Variants in CHRM3 observed in about 807,000 individuals in gnomAD.
CHRM3 encodes the protein muscarinic acetylcholine receptor M3.
Under a neutral mutation model 41.8 loss-of-function variants are expected in CHRM3, and 11 were observed. That is an observed-to-expected ratio of 0.26 (90% CI 0.17 to 0.44). CHRM3 has a LOEUF of 0.44. Among genes scored for constraint, CHRM3 ranks in the 20% least tolerant of loss-of-function variants. The pLI, the probability that CHRM3 is intolerant of heterozygous loss-of-function variation, is 1.00. For synonymous variants in CHRM3, 297 were observed against 301.4 expected (o/e 0.99, Z 0.15); for missense variants, 571 against 745.4 (o/e 0.77, Z 2.72).
At chr1:239,738,145 G>A (rs529010195) in intron 5 of CHRM3, among the ~76,000 whole-genome samples, 1 of 152,272 alleles carries the variant, frequency 6.6e-6, no homozygotes, top group East Asian at 1.9e-4. Context: ...CCTCCACTAT[G>A]GCAGGTTTGC....
At chr1:239,566,085 T>A (rs1447132680) in intron 3 of CHRM3, among the ~76,000 whole-genome samples, 1 of 151,846 alleles carries the variant, frequency 6.6e-6, no homozygotes, top group Non-Finnish European at 1.5e-5. Flanking sequence ...TGGCTGTATT[T>A]TTTTTTTTAA....
chr1:239,618,674 C>G (rs552973005), intron 3 of CHRM3, among the ~76,000 whole-genome samples: 11 of 150,942 alleles, frequency 7.3e-5, no homozygotes, highest in Non-Finnish European at 1.3e-4. Flanking sequence ...GAAACCCCGT[C>G]TCTACTAAAA....
At chr1:239,534,864 TG>T (rs1558298373) in intron 2 of CHRM3, among the ~76,000 whole-genome samples, 2 of 152,218 alleles carry the variant, frequency 1.3e-5, no homozygotes, top group Non-Finnish European at 2.9e-5. Flanking sequence ...TATCATTAAA[TG>T]AAAGGTTCGG....
intron 5 of CHRM3, among the ~76,000 whole-genome samples, chr1:239,774,276 G>T (rs1376950554): frequency 3.3e-5 from 5 of 152,124 alleles, no homozygotes; most frequent in Admixed American, 6.5e-5. Context: ...TTTTACAGCT[G>T]TGGCTGGGTG....
intron 3 of CHRM3, among the ~76,000 whole-genome samples, chr1:239,596,675 GA>G (rs1345957915): frequency 6.6e-6 from 1 of 152,066 alleles, no homozygotes; most frequent in Non-Finnish European, 1.5e-5. Context: ...ATTATGCTTT[GA>G]AAAGGATGCT....
chr1:239,879,273 G>A (rs555106756), intron 6 of CHRM3, among the ~76,000 whole-genome samples: 55 of 152,202 alleles, frequency 3.6e-4, no homozygotes, highest in African/African-American at 1.3e-3. Flanking sequence ...TGGGATTACG[G>A]GTGTGAGCCA....
At chr1:239,694,937 A>G in intron 5 of CHRM3, among the ~76,000 whole-genome samples, 1 of 152,074 alleles carries the variant, frequency 6.6e-6, no homozygotes, top group South Asian at 2.1e-4. Flanking sequence ...TCTATGCTGC[A>G]GACCAAAAAA....
intron 6 of CHRM3, among the ~76,000 whole-genome samples, chr1:239,900,920 C>A (rs1679498291): frequency 6.6e-6 from 1 of 152,146 alleles, no homozygotes; most frequent in African/African-American, 2.4e-5. Context: ...TGTTGTGGCC[C>A]CATTCTGCAT....
intron 5 of CHRM3, among the ~76,000 whole-genome samples, chr1:239,767,131 T>C (rs1401092999): frequency 6.6e-6 from 1 of 152,182 alleles, no homozygotes; most frequent in Non-Finnish European, 1.5e-5. Context: ...AATTTTGTAC[T>C]TTTTTTCCTG....
At chr1:239,867,745 C>G (rs991447856) in intron 6 of CHRM3, among the ~76,000 whole-genome samples, 6 of 151,926 alleles carry the variant, frequency 3.9e-5, no homozygotes, top group African/African-American at 1.2e-4. Flanking sequence ...AACATCGTAC[C>G]TAGAAAAATA....
chr1:239,882,725 A>T (rs1303441143), intron 6 of CHRM3, among the ~76,000 whole-genome samples: 1 of 152,238 alleles, frequency 6.6e-6, no homozygotes, highest in Non-Finnish European at 1.5e-5. Flanking sequence ...TCTGCAATGG[A>T]CATATCTTTA....
intron 4 of CHRM3, among the ~76,000 whole-genome samples, chr1:239,645,955 A>G (rs1671705330): frequency 6.6e-6 from 1 of 152,198 alleles, no homozygotes; most frequent in Non-Finnish European, 1.5e-5. Flanking sequence ...TTACAGTGAA[A>G]AAGTTTTGGA....
intron 5 of CHRM3, among the ~76,000 whole-genome samples, chr1:239,710,824 T>C (rs1558476363): frequency 6.6e-6 from 1 of 152,062 alleles, no homozygotes; most frequent in Non-Finnish European, 1.5e-5. Context: ...TCCTCAACCA[T>C]GTACCCTGGT....
At chr1:239,562,497 T>C (rs1372377774) in intron 3 of CHRM3, among the ~76,000 whole-genome samples, 3 of 152,208 alleles carry the variant, frequency 2.0e-5, no homozygotes, top group Non-Finnish European at 4.4e-5. Context: ...ATTTCTATCA[T>C]TCAAACTTCC....
intron 6 of CHRM3, among the ~76,000 whole-genome samples, chr1:239,870,530 C>G (rs1212389583): frequency 6.6e-6 from 1 of 152,196 alleles, no homozygotes; most frequent in Non-Finnish European, 1.5e-5. Flanking sequence ...GTGGCTCAGT[C>G]TCACAGGTGA....
chr1:239,681,301 G>GGT, intron 5 of CHRM3, among the ~76,000 whole-genome samples: 1 of 152,216 alleles, frequency 6.6e-6, no homozygotes, highest in Non-Finnish European at 1.5e-5. Context: ...AAGAAGATAA[G>GGT]GTGTCATAAG....
intron 2 of CHRM3, among the ~76,000 whole-genome samples, chr1:239,516,231 A>G (rs939492042): frequency 6.6e-6 from 1 of 152,190 alleles, no homozygotes; most frequent in African/African-American, 2.4e-5. Context: ...AGAACATCGT[A>G]AGCAATTATG....
At chr1:239,785,256 T>C (rs1191099830) in intron 5 of CHRM3, among the ~76,000 whole-genome samples, 5 of 152,156 alleles carry the variant, frequency 3.3e-5, no homozygotes, top group Admixed American at 2.0e-4. Context: ...CAGGCCGTGA[T>C]TGTAGATAAA....
At chr1:239,478,265 A>C (rs910323344) in intron 1 of CHRM3, among the ~76,000 whole-genome samples, 1 of 152,174 alleles carries the variant, frequency 6.6e-6, no homozygotes, top group Admixed American at 6.5e-5. Context: ...TCATCCCCAC[A>C]CTGGCAGCCT....
Sources: gnomAD v4.1 joint callset for allele counts (sites outside exome capture counted in the v4.1 genomes callset) on GRCh38, gnomAD v4.1.1 for gene constraint, MANE v1.5 for transcripts, NCBI Gene and HGNC (gene_info 2026-07-23, HGNC 2026-07-21) for gene names.